Variants in MEIOSIN observed in about 807,000 individuals in gnomAD.
MEIOSIN encodes the protein meiosis initiator protein.
In MEIOSIN, 18 loss-of-function variants were observed where a neutral mutation model predicts 23.4. That is an observed-to-expected ratio of 0.77 (90% CI 0.53 to 1.14). The LOEUF (loss-of-function observed/expected upper bound fraction) is 1.14, where lower values mean the gene tolerates loss of function less well. MEIOSIN is among the 50% of genes most tolerant of loss of function. The pLI is 0.00. For synonymous variants in MEIOSIN, 187 were observed against 100.6 expected (o/e 1.86, Z -5.14); for missense variants, 428 against 242.9 (o/e 1.76, Z -5.07).
intron 9 of MEIOSIN, among the ~76,000 whole-genome samples, 152 bp from the exon 10 acceptor site, chr19:45,758,726 G>A (rs1312587139): frequency 2.0e-5 from 3 of 152,244 alleles, no homozygotes; most frequent in Non-Finnish European, 4.4e-5. Flanking sequence ...ATCGCAGCCG[G>A]CTGCCTCTTC....
chr19:45,753,313 C>T (rs1968752367), intron 5 of MEIOSIN, among the ~76,000 whole-genome samples: 1 of 152,052 alleles, frequency 6.6e-6, no homozygotes, highest in African/African-American at 2.4e-5. Flanking sequence ...AGGGGGTCGG[C>T]TAGGAGACCC....
rs980517165 is a variant in MEIOSIN at position 45,762,011 on chromosome 19, C to T, written c.1507C>T (p.Arg503Trp). 63 of 506,318 alleles carry T rather than the reference C, an allele frequency of 1.2e-4. No individual in the cohort carries two copies. Among genetic ancestry groups the T allele is most frequent in the South Asian group, 9.8e-5 (3 of 30,536 alleles). 31.4% of individuals were successfully genotyped at this position (506,318 alleles called of 1,614,324 possible). ...CGAAGACACCACATGGACCCCCACCCGGCTGGCCTCACCCCTGCTGGCAGC... is the reference window on the plus strand; with the variant it reads ...CGAAGACACCACATGGACCCCCACCTGGCTGGCCTCACCCCTGCTGGCAGC... ...EDEDTTWTPT[R>W]LASPLLAAEK... Residue 503 changes from arginine to tryptophan, a missense_variant, in exon 13 of 15, where the codon CGG (arginine) becomes TGG (tryptophan). Arg to Trp is a moderately radical substitution (Grantham distance 101). Transcript: ENST00000457052.
At chr19:45,748,073 G>A (rs1968627149) in intron 4 of MEIOSIN, among the ~76,000 whole-genome samples, 1 of 151,700 alleles carries the variant, frequency 6.6e-6, no homozygotes, top group African/African-American at 2.4e-5. Flanking sequence ...AACAGAGTAA[G>A]ACCCTGTCTT....
intron 11 of MEIOSIN, among the ~76,000 whole-genome samples, chr19:45,760,887 G>A (rs1215736354): frequency 6.7e-6 from 1 of 148,462 alleles, no homozygotes; most frequent in Non-Finnish European, 1.5e-5. Flanking sequence ...TGGTGCCATT[G>A]CACTCCAGCC....
rs892231070 is a variant in MEIOSIN at position 45,755,984 on chromosome 19, G to A, written c.817G>A (p.Gly273Ser). The change falls in exon 8 of 15, where the codon GGC becomes AGC. Residue 273 changes from glycine (G) to serine (S), a missense_variant. By Grantham distance (56) the Gly-to-Ser change is moderately conservative. Transcript: ENST00000457052. Reference protein sequence around the residue: ...HCDISSCWCQGSVQDDAPFPA... With the variant: ...HCDISSCWCQSSVQDDAPFPA... ...CTGCCCCTTAGGCTGCTGGTGCCAG[G>A]GCAGTGTCCAGGATGACGCACCTTT... is the stretch of plus-strand genomic sequence containing the variant. 2 of 702,726 alleles carry A rather than the reference G, an allele frequency of 2.8e-6. No homozygotes were observed. Among genetic ancestry groups the A allele is most frequent in the Admixed American group, 2.0e-5 (1 of 50,012 alleles). 43.5% of individuals were successfully genotyped at this position (702,726 alleles called of 1,614,324 possible). A position where few individuals can be genotyped will look rare whatever the true frequency, so the allele number is the denominator to read the frequency against.
chr19:45,736,834 G>A (rs1390069904), intron 2 of MEIOSIN, among the ~76,000 whole-genome samples: 1 of 150,784 alleles, frequency 6.6e-6, no homozygotes, highest in African/African-American at 2.4e-5. Context: ...GCCTCCCAAA[G>A]TGCTGGGATT....
chr19:45,758,753 A>G (rs191898148), intron 9 of MEIOSIN, 125 bp from the exon 10 acceptor site: 2 of 608,738 alleles, frequency 3.3e-6, no homozygotes, highest in East Asian at 5.5e-5. Context: ...GTGATCAAGA[A>G]TTCAAAATGA....
At chr19:45,749,539 T>G in intron 4 of MEIOSIN, among the ~76,000 whole-genome samples, 1 of 147,264 alleles carries the variant, frequency 6.8e-6, no homozygotes, top group African/African-American at 2.5e-5. Flanking sequence ...TAGCGAGGCG[T>G]GGTGGAGGGC....
chr19:45,762,290 G>A (rs913528554), intron 13 of MEIOSIN, 107 bp downstream of exon 13: 5 of 399,102 alleles, frequency 1.3e-5, no homozygotes, highest in Non-Finnish European at 2.2e-5. Flanking sequence ...TTCCCCCTCC[G>A]AGACCCCACA....
At position 45,762,112 on chromosome 19, in the gene MEIOSIN, A is replaced by C; in HGVS notation, c.1608A>C (p.Pro536=). The C allele has an allele frequency of 2.3e-6, 1 of 434,414 alleles. No individual in the cohort carries two copies. The highest frequency in any genetic ancestry group is 7.5e-5 in the South Asian group (1 of 13,384). The allele number at this position is 434,414 out of a possible 1,614,324, so 26.9% of individuals were successfully genotyped here. A position where few individuals can be genotyped will look rare whatever the true frequency, so the allele number is the denominator to read the frequency against. The part of the protein sequence containing the change: ...KPKEKKKGPC[P]PQMKKKCVNG... ...AGGAGAAGAAGAAAGGCCCCTGCCC[A>C]CCCCAGATGAAGAAGAAGTGTGTCA... Residue 536 remains proline, a synonymous_variant, in exon 13 of 15, where the codon CCA becomes CCC. Transcript: ENST00000457052.
At chr19:45,739,106 G>A (rs766313224) in intron 2 of MEIOSIN, among the ~76,000 whole-genome samples, 7 of 152,058 alleles carry the variant, frequency 4.6e-5, no homozygotes, top group Admixed American at 3.9e-4. Flanking sequence ...GTCTGTGTTG[G>A]CTTCTGTCTC....
chr19:45,753,558 C>T (rs1255191771), intron 5 of MEIOSIN, 93 bp from the exon 6 acceptor site: 1 of 618,432 alleles, frequency 1.6e-6, no homozygotes, highest in Non-Finnish European at 2.9e-6. Context: ...CCACCCTGAC[C>T]CGGGACTGAG....
chr19:45,755,184 C>G (rs913783997), intron 7 of MEIOSIN, among the ~76,000 whole-genome samples: 13 of 147,040 alleles, frequency 8.8e-5, no homozygotes, highest in Non-Finnish European at 1.5e-4. Context: ...GAGTCTTGCT[C>G]TGTCGCCCAG....
chr19:45,754,667 C>G lies in MEIOSIN; in HGVS notation c.745C>G (p.Gln249Glu), dbSNP rs1416375935. The G allele has an allele frequency of 7.1e-6, 5 of 703,108 alleles. No individual in the cohort carries two copies. The highest frequency in any genetic ancestry group is 1.3e-5 in the Non-Finnish European group (5 of 385,036). 43.6% of individuals were successfully genotyped at this position (703,108 alleles called of 1,614,324 possible). A position where few individuals can be genotyped will look rare whatever the true frequency, so the allele number is the denominator to read the frequency against. The change falls in exon 7 of 15, where the codon CAG becomes GAG. Residue 249 changes from glutamine (Q) to glutamate (E), a missense_variant. Physicochemically the swap from Gln to Glu is conservative, Grantham distance 29 (BLOSUM62 2). Coordinates refer to ENST00000457052, the MANE Select transcript of MEIOSIN (RefSeq NM_001310124.2). ...ACCTCCAGGTGACAGAAAAGGAGGA[C>G]AGTCCCAGCTGACGCTGTTGGATCT... Reference protein sequence around the residue: ...SSPPGDRKGGQSQLTLLDLAE... With the variant: ...SSPPGDRKGGESQLTLLDLAE...
intron 14 of MEIOSIN, among the ~76,000 whole-genome samples, 169 bp from the exon 15 acceptor site, chr19:45,763,802 C>T (rs1406567436): frequency 3.3e-5 from 5 of 152,232 alleles, no homozygotes; most frequent in Non-Finnish European, 5.9e-5. Context: ...CATCCCAGAG[C>T]CCTTGGCCGA....
chr19:45,738,744 C>T (rs1239854647), intron 2 of MEIOSIN, among the ~76,000 whole-genome samples: 3 of 152,216 alleles, frequency 2.0e-5, no homozygotes, highest in African/African-American at 4.8e-5. Flanking sequence ...ATGTTAAGTC[C>T]GACTGTTGTA....
chr19:45,750,177 A>C (rs572819044), intron 4 of MEIOSIN, among the ~76,000 whole-genome samples: 2 of 142,842 alleles, frequency 1.4e-5, no homozygotes, highest in Non-Finnish European at 3.0e-5. Context: ...TTGTTCTGCT[A>C]TCTAGCCCTC....
intron 2 of MEIOSIN, among the ~76,000 whole-genome samples, chr19:45,736,274 T>C (rs1968406925): frequency 6.6e-6 from 1 of 152,196 alleles, no homozygotes; most frequent in African/African-American, 2.4e-5. Context: ...CTTGAACTTC[T>C]GGCCTCAAGT....
chr19:45,757,536 T>G (rs946161626), intron 9 of MEIOSIN, among the ~76,000 whole-genome samples: 3 of 152,204 alleles, frequency 2.0e-5, no homozygotes, highest in Non-Finnish European at 4.4e-5. Flanking sequence ...TGTTTTCTTT[T>G]TTGAGATAGG....
Sources: allele counts gnomAD v4.1 joint callset (sites outside exome capture counted in the v4.1 genomes callset), GRCh38; gene constraint gnomAD v4.1.1; transcripts MANE v1.5; gene names NCBI Gene and HGNC (gene_info 2026-07-23, HGNC 2026-07-21).